Variants in RBFOX1 observed in about 807,000 individuals in gnomAD.
RBFOX1 encodes RNA binding fox-1 homolog 1.
A neutral mutation model predicts 57.7 loss-of-function variants in RBFOX1; 8 were observed. The ratio of observed to expected loss-of-function variants is 0.14; its 90% CI spans 0.08 to 0.25. RBFOX1 has a LOEUF of 0.25. Ranked by LOEUF, RBFOX1 falls within the 10% of genes least tolerant of loss-of-function variation. RBFOX1 has a pLI of 1.00. For missense variants in RBFOX1, 611 were observed against 548.5 expected (o/e 1.11, Z -1.14); for synonymous variants, 326 against 222.4 (o/e 1.47, Z -4.15).
chr16:5,312,741 C>G (rs1004218140), intron 1 of RBFOX1, among the ~76,000 whole-genome samples: 1 of 152,204 alleles, frequency 6.6e-6, no homozygotes, highest in African/African-American at 2.4e-5. Context: ...AAAAAATTCT[C>G]AACATCACTC....
At chr16:7,112,685 G>GTGTGTGTGTGTGTGT (rs757067859) in intron 4 of RBFOX1, among the ~76,000 whole-genome samples, 8 of 136,006 alleles carry the variant, frequency 5.9e-5, no homozygotes, top group Middle Eastern at 7.9e-3. Context: ...TGTGGGTGTG[G>GTGTGTGTGTGTGTGT]GTGTGTCTCT....
chr16:6,480,258 C>G (rs2095352282), intron 2 of RBFOX1, among the ~76,000 whole-genome samples: 1 of 152,096 alleles, frequency 6.6e-6, no homozygotes, highest in South Asian at 2.1e-4. Flanking sequence ...TATATACATA[C>G]ACACTTTTCA....
chr16:5,573,584 T>G (rs553659069), intron 2 of RBFOX1, among the ~76,000 whole-genome samples: 1 of 152,272 alleles, frequency 6.6e-6, no homozygotes, highest in South Asian at 2.1e-4. Context: ...AAGGAGGCCT[T>G]GTTTGTCTGC....
At chr16:5,491,458 C>T (rs1377563964) in intron 2 of RBFOX1, among the ~76,000 whole-genome samples, 3 of 152,176 alleles carry the variant, frequency 2.0e-5, no homozygotes, top group Non-Finnish European at 4.4e-5. Context: ...CACCAAGTGT[C>T]ATGTACTAGA....
chr16:6,892,755 T>C (rs750689974), intron 3 of RBFOX1, among the ~76,000 whole-genome samples: 1 of 148,186 alleles, frequency 6.7e-6, no homozygotes, highest in African/African-American at 2.5e-5. Flanking sequence ...AAATGCATAT[T>C]CTCAAAGCCT....
chr16:5,711,436 A>G (rs551007434), intron 3 of RBFOX1, among the ~76,000 whole-genome samples: 3 of 152,328 alleles, frequency 2.0e-5, no homozygotes, highest in African/African-American at 7.2e-5. Flanking sequence ...AGCTGAGAAA[A>G]TACACTGGAG....
In RBFOX1 at chr16:7,169,824, C is replaced by T. The variant is rs200162811; in HGVS notation, c.27+117726C>T. 1.5e-3 allele frequency among the ~76,000 whole-genome samples: 28 copies of T among 19,042 alleles called. 1 individual carries two copies. In the East Asian group the frequency reaches 0.48, roughly 328 times the overall value. 12.5% of individuals were successfully genotyped at this position (19,042 alleles called of 152,430 possible). On this transcript the variant is annotated intron_variant, in intron 4 of 15. Coordinates refer to ENST00000550418, the MANE Select transcript of RBFOX1 (RefSeq NM_018723.4). ...GTGGCTCATGCCTGTAATCCCTGCACTTTGGCAGGGCCAAAGCAGGCTGAT... is the reference window on the plus strand; with the variant it reads ...GTGGCTCATGCCTGTAATCCCTGCATTTTGGCAGGGCCAAAGCAGGCTGAT...
At chr16:6,594,088 A>C (rs1158254461) in intron 2 of RBFOX1, among the ~76,000 whole-genome samples, 1 of 152,208 alleles carries the variant, frequency 6.6e-6, no homozygotes, top group Non-Finnish European at 1.5e-5. Flanking sequence ...TATATCCACA[A>C]AATGTGTCCT....
chr16:7,005,976 G>C (rs946293668), intron 3 of RBFOX1, among the ~76,000 whole-genome samples: 6 of 152,198 alleles, frequency 3.9e-5, no homozygotes, highest in Middle Eastern at 3.4e-3. Flanking sequence ...TCAGGATCAC[G>C]TAACAGAAAG....
At chr16:6,485,051 G>C (rs1386405050) in intron 2 of RBFOX1, among the ~76,000 whole-genome samples, 1 of 152,182 alleles carries the variant, frequency 6.6e-6, no homozygotes, top group Non-Finnish European at 1.5e-5. Context: ...GAGTAAAAGG[G>C]TGTTTGTGGC....
rs57125963 is a variant in RBFOX1 at position 5,776,977 on chromosome 16, T to G, written c.319-90326T>G. ...TAAATTAAATTTAAATTTATCTTAA[T>G]TTAAGTAGCCAAGTGCAGTTATGGC... is the stretch of plus-strand genomic sequence containing the variant. On this transcript the variant is annotated intron_variant, in intron 3 of 19. Coordinates refer to the RBFOX1 transcript ENST00000641259. Among the ~76,000 whole-genome samples the G allele has an allele frequency of 3.1e-3, 466 of 152,314 alleles. 2 individuals carry two copies. The highest frequency in any genetic ancestry group is 0.011 in the African/African-American group (445 of 41,566).
At chr16:7,142,773 T>G (rs1435710882) in intron 4 of RBFOX1, among the ~76,000 whole-genome samples, 2 of 152,184 alleles carry the variant, frequency 1.3e-5, no homozygotes, top group South Asian at 2.1e-4. Context: ...TCCCAATGCC[T>G]TACACCGTTC....
chr16:7,202,781 C>G (rs2088920371), intron 4 of RBFOX1, among the ~76,000 whole-genome samples: 1 of 152,176 alleles, frequency 6.6e-6, no homozygotes. Context: ...CAGTTTCATC[C>G]TGAAACCATC....
intron 1 of RBFOX1, chr16:5,270,327 C>T: frequency 9.4e-6 from 7 of 747,344 alleles, no homozygotes; most frequent in Non-Finnish European, 1.4e-5. Context: ...GTCACCAGGA[C>T]CCGAGGAACC....
At chr16:7,537,600 C>T (rs138529233) in intron 5 of RBFOX1, among the ~76,000 whole-genome samples, 2 of 152,242 alleles carry the variant, frequency 1.3e-5, no homozygotes, top group East Asian at 3.9e-4. Flanking sequence ...GTGAAGACAT[C>T]GTAAAAAGAT....
chr16:5,575,916 G>A (rs938255284), intron 2 of RBFOX1, among the ~76,000 whole-genome samples: 3 of 151,494 alleles, frequency 2.0e-5, no homozygotes, highest in Non-Finnish European at 4.4e-5. Context: ...ACGCATGTTT[G>A]CACTTAGAAG....
chr16:5,466,850 CCTAGT>C (rs2068968819), intron 1 of RBFOX1, among the ~76,000 whole-genome samples: 1 of 152,164 alleles, frequency 6.6e-6, no homozygotes, highest in African/African-American at 2.4e-5. Flanking sequence ...CTCCTTGATT[CCTAGT>C]CTAAAGTAAC....
At chr16:6,150,740 C>G (rs1400765459) in intron 1 of RBFOX1, among the ~76,000 whole-genome samples, 2 of 152,110 alleles carry the variant, frequency 1.3e-5, no homozygotes, top group Non-Finnish European at 2.9e-5. Context: ...GGGAATGGGT[C>G]TTGTTTATCT....
rs186999672 is a variant in RBFOX1, at chr16:5,588,618, C to T, written c.259-10284C>T. Among the ~76,000 whole-genome samples, 391 of 152,260 alleles carry T rather than the reference C, an allele frequency of 2.6e-3. 3 individuals are homozygous for T. The highest frequency in any genetic ancestry group is 9.0e-3 in the African/African-American group (375 of 41,544). ...TTACGTATTTAAGGGCAACAGTCCTCAGCACGTCCCCATGTGAGCAATGGA... is the reference window on the plus strand; with the variant it reads ...TTACGTATTTAAGGGCAACAGTCCTTAGCACGTCCCCATGTGAGCAATGGA... On this transcript the variant is annotated intron_variant, in intron 2 of 2. Coordinates refer to the RBFOX1 transcript ENST00000585867.
Sources: allele counts gnomAD v4.1 joint callset (sites outside exome capture counted in the v4.1 genomes callset), GRCh38; gene constraint gnomAD v4.1.1; transcripts MANE v1.5; gene names NCBI Gene and HGNC (gene_info 2026-07-23, HGNC 2026-07-21).